The following SOX5 variants were observed in gnomAD, a reference collection of about 807,000 sequenced individuals.
The protein encoded by SOX5 is SRY-box transcription factor 5.
Under a neutral mutation model 92.0 loss-of-function variants are expected in SOX5, and 9 were observed. That is an observed-to-expected ratio of 0.10 (90% confidence interval 0.06 to 0.17). SOX5 has a LOEUF of 0.17. Ranked by LOEUF, SOX5 falls within the 10% of genes least tolerant of loss-of-function variation. The pLI is 1.00. For missense variants in SOX5, 642 were observed against 944.5 expected (o/e 0.68, Z 4.20); for synonymous variants, 344 against 336.3 (o/e 1.02, Z -0.25).
chr12:23,748,360 T>C (rs1275579885), intron 4 of SOX5, among the ~76,000 whole-genome samples: 1 of 152,056 alleles, frequency 6.6e-6, no homozygotes, highest in East Asian at 1.9e-4. Flanking sequence ...TAATGTACAA[T>C]TTTATGCACA....
intron 2 of SOX5, among the ~76,000 whole-genome samples, chr12:23,890,252 G>A (rs1336829639): frequency 6.6e-6 from 1 of 151,426 alleles, no homozygotes; most frequent in African/African-American, 2.4e-5. Context: ...TGTGGGAGGC[G>A]GAAGTTGCAG....
At chr12:23,709,312 C>T (rs1207517707) in intron 6 of SOX5, among the ~76,000 whole-genome samples, 1 of 151,896 alleles carries the variant, frequency 6.6e-6, no homozygotes, top group Non-Finnish European at 1.5e-5. Context: ...CCTGTGCTGC[C>T]CAGACTGGTC....
intron 6 of SOX5, among the ~76,000 whole-genome samples, chr12:23,715,548 T>C (rs2092425998): frequency 6.6e-6 from 1 of 152,070 alleles, no homozygotes; most frequent in Non-Finnish European, 1.5e-5. Flanking sequence ...TTACTTCTAC[T>C]CCTCAGAGAG....
chr12:24,309,764 T>C (rs934510211), intron 2 of SOX5, among the ~76,000 whole-genome samples: 1 of 152,164 alleles, frequency 6.6e-6, no homozygotes, highest in Non-Finnish European at 1.5e-5. Flanking sequence ...AAACTGGAGA[T>C]GCAAACTGTA....
At chr12:24,326,232 T>C (rs1447961209) in intron 2 of SOX5, among the ~76,000 whole-genome samples, 1 of 152,126 alleles carries the variant, frequency 6.6e-6, no homozygotes, top group East Asian at 1.9e-4. Context: ...ATTCATGCCA[T>C]TCCTTATATA....
intron 3 of SOX5, among the ~76,000 whole-genome samples, chr12:23,796,701 C>T (rs554650237): frequency 1.3e-5 from 2 of 151,610 alleles, no homozygotes; most frequent in Non-Finnish European, 2.9e-5. Flanking sequence ...TTTTACAATT[C>T]TAATGCATGA....
chr12:24,509,862 A>G (rs1205951634), intron 1 of SOX5, among the ~76,000 whole-genome samples: 1 of 152,242 alleles, frequency 6.6e-6, no homozygotes, highest in Non-Finnish European at 1.5e-5. Flanking sequence ...TTTCAGACAG[A>G]TCACAGTTTA....
intron 4 of SOX5, among the ~76,000 whole-genome samples, chr12:24,035,089 T>C (rs577067555): frequency 1.4e-4 from 22 of 152,240 alleles, no homozygotes; most frequent in African/African-American, 4.3e-4. Flanking sequence ...TTTCTGTACC[T>C]AGCAAATTAT....
intron 3 of SOX5, among the ~76,000 whole-genome samples, chr12:23,811,087 G>T (rs1567965134): frequency 6.6e-6 from 1 of 152,062 alleles, no homozygotes; most frequent in Non-Finnish European, 1.5e-5. Context: ...AAAGATGCTT[G>T]TAAAAGCCTC....
At chr12:24,076,185 C>G (rs1259876987) in intron 4 of SOX5, among the ~76,000 whole-genome samples, 1 of 152,124 alleles carries the variant, frequency 6.6e-6, no homozygotes, top group Non-Finnish European at 1.5e-5. Flanking sequence ...TCTCTCTAAA[C>G]ATATAGTTTG....
rs776728055 is a variant in SOX5, at chr12:23,741,052, T to C, written c.569-13A>G. ...CTCTCGGGAGTCCCTACAAATCATA[T>C]AGCAATAAAACAGACAAAATAAATG... On this transcript the variant is annotated splice_polypyrimidine_tract_variant and intron_variant, in intron 4 of 14. Transcript: ENST00000451604. 5.7e-6 allele frequency: 9 copies of C among 1,569,578 alleles called. No homozygotes were observed. The highest frequency in any genetic ancestry group is 3.6e-5 in the Admixed American group (2 of 54,914).
intron 1 of SOX5, among the ~76,000 whole-genome samples, chr12:24,455,585 C>T (rs1028740020): frequency 2.6e-5 from 4 of 152,184 alleles, no homozygotes; most frequent in Admixed American, 6.5e-5. Flanking sequence ...ATGGAGCCCA[C>T]GCTCAAAATA....
intron 3 of SOX5, among the ~76,000 whole-genome samples, chr12:23,770,048 GTTTT>G (rs71059922): frequency 2.8e-5 from 3 of 106,486 alleles, no homozygotes; most frequent in Non-Finnish European, 1.9e-5. Flanking sequence ...TGCTCCCTCT[GTTTT>G]TTTTTTTTTT....
At chr12:23,632,895 C>A (rs1248221282) in intron 8 of SOX5, among the ~76,000 whole-genome samples, 1 of 152,056 alleles carries the variant, frequency 6.6e-6, no homozygotes, top group African/African-American at 2.4e-5. Flanking sequence ...TCATTTATGA[C>A]AACTTGGAAT....
rs529706584 is a variant in SOX5 at position 24,193,632 on chromosome 12, T to C, written c.-2+19711A>G. On this transcript the variant is annotated intron_variant, in intron 4 of 4. Coordinates refer to the SOX5 transcript ENST00000446891. ...GTTCAATCCTTGTGTTTGGCTAATATTGAGTAATGAATTTGTACATATCAG... is the reference window on the plus strand; with the variant it reads ...GTTCAATCCTTGTGTTTGGCTAATACTGAGTAATGAATTTGTACATATCAG... Among the ~76,000 whole-genome samples the C allele has an allele frequency of 1.6e-3, 248 of 152,322 alleles. 1 individual carries two copies. Among genetic ancestry groups the C allele is most frequent in the African/African-American group, 5.4e-3 (224 of 41,568 alleles).
rs1351363097 is a variant in SOX5 at position 23,740,812 on chromosome 12, G to A, written c.741+55C>T. 6 of 1,445,502 alleles carry A rather than the reference G, an allele frequency of 4.2e-6. No individual in the cohort carries two copies. The South Asian group carries it at 7.5e-5, about 18-fold the overall frequency. The allele number at this position is 1,445,502 out of a possible 1,614,324, so 89.5% of individuals were successfully genotyped here. On this transcript the variant is annotated intron_variant, in intron 5 of 14. Transcript: ENST00000451604. The stretch of plus-strand genomic sequence containing the variant: ...GTGTGCCTAGGACAGTGACCTATAA[G>A]TAGCAGGCAAAGTAATGTCTGAGGA...
intron 1 of SOX5, among the ~76,000 whole-genome samples, chr12:24,455,823 C>G (rs1942951855): frequency 6.6e-6 from 1 of 152,130 alleles, no homozygotes; most frequent in African/African-American, 2.4e-5. Flanking sequence ...CTGCTGATCA[C>G]TCCCAAGCGA....
intron 2 of SOX5, among the ~76,000 whole-genome samples, chr12:24,320,044 A>T (rs1950063469): frequency 6.6e-6 from 1 of 152,214 alleles, no homozygotes; most frequent in Non-Finnish European, 1.5e-5. Context: ...CTTCTTCTAG[A>T]CAGGTACAGC....
At chr12:24,195,069 A>G (rs1956881129) in intron 4 of SOX5, among the ~76,000 whole-genome samples, 1 of 151,940 alleles carries the variant, frequency 6.6e-6, no homozygotes, top group African/African-American at 2.4e-5. Context: ...GATTACAATA[A>G]TTAAGCGATT....
Sources: gnomAD v4.1 joint callset for allele counts (sites outside exome capture counted in the v4.1 genomes callset) on GRCh38, gnomAD v4.1.1 for gene constraint, MANE v1.5 for transcripts, NCBI Gene and HGNC (gene_info 2026-07-23, HGNC 2026-07-21) for gene names.